Variants in NCS1 observed in about 807,000 individuals in gnomAD.
The protein encoded by NCS1 is neuronal calcium sensor 1.
In NCS1, 6 loss-of-function variants were observed where a neutral mutation model predicts 28.4. The observed-to-expected ratio is 0.21, with a 90% CI of 0.12 to 0.42. The LOEUF (loss-of-function observed/expected upper bound fraction) is 0.42. Among genes scored for constraint, NCS1 ranks in the 10% least tolerant of loss-of-function variants. The pLI, the probability that NCS1 is intolerant of heterozygous loss-of-function variation, is 1.00. For synonymous variants in NCS1, 86 were observed against 99.3 expected (o/e 0.87, Z 0.79); for missense variants, 131 against 241.4 (o/e 0.54, Z 3.03).
chr9:130,206,508 A>G (rs1340661209), intron 2 of NCS1, among the ~76,000 whole-genome samples: 1 of 149,452 alleles, frequency 6.7e-6, no homozygotes, highest in Non-Finnish European at 1.5e-5. Flanking sequence ...TCCTGGGTTC[A>G]AGTGATTCTC....
chr9:130,212,185 G>A (rs1000510663), intron 2 of NCS1, among the ~76,000 whole-genome samples: 2 of 152,146 alleles, frequency 1.3e-5, no homozygotes, highest in East Asian at 3.9e-4. Context: ...GCACACGGCC[G>A]CGTGCCTGCC....
intron 1 of NCS1, among the ~76,000 whole-genome samples, chr9:130,194,427 C>G (rs182742802): frequency 2.6e-5 from 4 of 151,910 alleles, no homozygotes; most frequent in African/African-American, 9.7e-5. Flanking sequence ...AGGCTAGGAC[C>G]CACTCTCTGC....
At chr9:130,197,798 C>T (rs981732864) in intron 1 of NCS1, among the ~76,000 whole-genome samples, 2 of 151,992 alleles carry the variant, frequency 1.3e-5, no homozygotes, top group Non-Finnish European at 2.9e-5. Context: ...CCTGTCTCTA[C>T]CTAAAAATAC....
intron 1 of NCS1, among the ~76,000 whole-genome samples, chr9:130,183,817 T>C (rs1265881362): frequency 1.4e-5 from 2 of 145,846 alleles, no homozygotes; most frequent in Non-Finnish European, 3.0e-5. Flanking sequence ...CTTTTCTTTC[T>C]TTTTTTTTTT....
At chr9:130,225,722 G>A (rs1052842267) in intron 6 of NCS1, among the ~76,000 whole-genome samples, 6 of 152,238 alleles carry the variant, frequency 3.9e-5, no homozygotes, top group Admixed American at 6.5e-5. Context: ...TGTACGCAGC[G>A]AGCGATCCCT....
Position 130,208,649 on chromosome 9 carries a change from C to T in NCS1, c.89+7667C>T, listed in dbSNP as rs374127159. Among the ~76,000 whole-genome samples the T allele has an allele frequency of 1.4e-4, 22 of 152,262 alleles. No individual in the cohort carries two copies. The South Asian group carries it at 3.5e-3, about 24-fold the overall frequency. On this transcript the variant is annotated intron_variant, in intron 2 of 7. Coordinates refer to ENST00000372398, the MANE Select transcript of NCS1 (RefSeq NM_014286.4). Reference sequence around the variant, plus strand: ...GATAGCAAAAGTAGTGGGTGGAAGCCGGAGGAATTCTGTCCTCGCATCAAC... The same window carrying T: ...GATAGCAAAAGTAGTGGGTGGAAGCTGGAGGAATTCTGTCCTCGCATCAAC...
chr9:130,207,778 G>A (rs1380315291), intron 2 of NCS1, among the ~76,000 whole-genome samples: 1 of 152,230 alleles, frequency 6.6e-6, no homozygotes, highest in Non-Finnish European at 1.5e-5. Flanking sequence ...CTCCGCACTG[G>A]GCATCCCACG....
At position 130,184,984 on chromosome 9, in the gene NCS1, A is replaced by G. The variant is rs74710585; in HGVS notation, c.64+12257A>G. Among the ~76,000 whole-genome samples, 27 of 150,948 alleles carry G rather than the reference A, an allele frequency of 1.8e-4. No homozygotes were observed. The East Asian group carries it at 2.3e-3, about 13-fold the overall frequency. ...GAGACTCCGTCTCAAAAAAAAAAAAAGGGGCTGGGGTTACAGGTGTAAGCC... is the reference window on the plus strand; with the variant it reads ...GAGACTCCGTCTCAAAAAAAAAAAAGGGGGCTGGGGTTACAGGTGTAAGCC... On this transcript the variant is annotated intron_variant, in intron 1 of 7. Coordinates refer to ENST00000372398, the MANE Select transcript of NCS1 (RefSeq NM_014286.4).
Position 130,192,992 on chromosome 9 carries a change from G to T in NCS1, c.65-7966G>T, listed in dbSNP as rs1554906413. On this transcript the variant is annotated intron_variant, in intron 1 of 7. Coordinates refer to ENST00000372398, the MANE Select transcript of NCS1 (RefSeq NM_014286.4). The surrounding 1 kb of genome is among the most constrained non-coding windows in gnomAD (Gnocchi z 4.8). ...AAAAAACCGGTCACACAGCAACGGA[G>T]TGGCAGATCCCTGGAGTCCAGGTCC... is the stretch of plus-strand genomic sequence containing the variant. Among the ~76,000 whole-genome samples, 1 of 152,242 alleles carries T rather than the reference G, an allele frequency of 6.6e-6. No homozygotes were observed. Among genetic ancestry groups the T allele is most frequent in the Non-Finnish European group, 1.5e-5 (1 of 68,044 alleles).
chr9:130,199,965 C>T (rs782780911), intron 1 of NCS1, among the ~76,000 whole-genome samples: 6 of 152,240 alleles, frequency 3.9e-5, no homozygotes, highest in Admixed American at 6.5e-5. Flanking sequence ...GGGCCCTACG[C>T]CGTACCCTTT....
chr9:130,222,893 C>T (rs1275110115), intron 5 of NCS1, among the ~76,000 whole-genome samples, 155 bp downstream of exon 5: 1 of 149,152 alleles, frequency 6.7e-6, no homozygotes, highest in Non-Finnish European at 1.5e-5. Context: ...CCTGGGCAGG[C>T]AGGCACAAGC....
At position 130,219,584 on chromosome 9, in the gene NCS1, T is replaced by A; in HGVS notation, c.229-141T>A. 1.2e-5 allele frequency: 7 copies of A among 605,840 alleles called. No individual in the cohort carries two copies. Among genetic ancestry groups the A allele is most frequent in the East Asian group, 3.8e-5 (1 of 26,428 alleles). The allele number at this position is 605,840 out of a possible 1,614,324, so 37.5% of individuals were successfully genotyped here. On this transcript the variant is annotated intron_variant, in intron 3 of 7. Coordinates refer to ENST00000372398, the MANE Select transcript of NCS1 (RefSeq NM_014286.4). The surrounding 1 kb of genome is among the most constrained non-coding windows in gnomAD (Gnocchi z 5.7). The stretch of plus-strand genomic sequence containing the variant: ...CTCCTTGCCTCTCGCCCCCCATTCC[T>A]TCGAGCCTGCCCTCTCCACCTGAGT...
intron 2 of NCS1, 142 bp downstream of exon 2, chr9:130,201,124 G>A (rs1289159616): frequency 8.7e-7 from 1 of 1,149,632 alleles, no homozygotes; most frequent in Non-Finnish European, 1.3e-6. Flanking sequence ...GACAGCCTTT[G>A]TTCAGTGGCC....
At chr9:130,200,610 G>A in intron 1 of NCS1, 2 of 1,551,800 alleles carry the variant, frequency 1.3e-6, no homozygotes, top group African/African-American at 2.7e-5. Flanking sequence ...AGATGGCAAC[G>A]AGTAAGTCTT....
At chr9:130,203,138 T>A (rs7862949) in intron 2 of NCS1, among the ~76,000 whole-genome samples, 25,487 of 61,078 alleles carry the variant, frequency 0.42, 3,178 homozygotes, top group African/African-American at 0.54. Flanking sequence ...ATATATATAT[T>A]TTTTTTTTTT....
Position 130,232,029 on chromosome 9 carries a change from C to T in NCS1, c.*18-961C>T, listed in dbSNP as rs1331750144. 6.6e-6 allele frequency among the ~76,000 whole-genome samples: 1 copy of T among 152,118 alleles called. No homozygotes were observed. Among genetic ancestry groups the T allele is most frequent in the Non-Finnish European group, 1.5e-5 (1 of 68,032 alleles). ...TGATGCAATCTCGGCTCACTGCAACCTCTGCCTCCCAGGTTCAAGTCATTC... is the reference window on the plus strand; with the variant it reads ...TGATGCAATCTCGGCTCACTGCAACTTCTGCCTCCCAGGTTCAAGTCATTC... On this transcript the variant is annotated intron_variant, in intron 7 of 7. Transcript: ENST00000372398. The surrounding 1 kb of genome is among the most constrained non-coding windows in gnomAD (Gnocchi z 4.4).
At chr9:130,214,808 C>T (rs1833161108) in intron 2 of NCS1, among the ~76,000 whole-genome samples, 1 of 152,124 alleles carries the variant, frequency 6.6e-6, no homozygotes, top group Non-Finnish European at 1.5e-5. Context: ...CTTCTTGGGG[C>T]CCCTGCTATT....
At chr9:130,199,747 G>A (rs1180517109) in intron 1 of NCS1, among the ~76,000 whole-genome samples, 1 of 152,306 alleles carries the variant, frequency 6.6e-6, no homozygotes, top group Non-Finnish European at 1.5e-5. Flanking sequence ...TGCTTTGAGT[G>A]GTTTTTGAAA....
chr9:130,203,989 AT>A (rs1332171664), intron 2 of NCS1, among the ~76,000 whole-genome samples: 4 of 151,928 alleles, frequency 2.6e-5, no homozygotes, highest in South Asian at 2.1e-4. Context: ...TATTTAAAAA[AT>A]TTTTTTTCTT....
Sources: allele counts gnomAD v4.1 joint callset (sites outside exome capture counted in the v4.1 genomes callset), GRCh38; gene constraint gnomAD v4.1.1; non-coding constraint Gnocchi (gnomAD v3.1); transcripts MANE v1.5; gene names NCBI Gene and HGNC (gene_info 2026-07-23, HGNC 2026-07-21).